Variants in TPO observed in about 807,000 individuals in gnomAD.
TPO encodes thyroid microsomal antigen.
Under a neutral mutation model 96.9 loss-of-function variants are expected in TPO, and 78 were observed. The ratio of observed to expected loss-of-function variants is 0.81; its 90% confidence interval spans 0.67 to 0.97. The LOEUF (loss-of-function observed/expected upper bound fraction) is 0.97, where lower values mean the gene tolerates loss of function less well. Among genes scored for constraint, TPO ranks in the 50% least tolerant of loss-of-function variants. The pLI, the probability that TPO is intolerant of heterozygous loss-of-function variation, is 0.00. For missense variants in TPO, 1,252 were observed against 1,274.8 expected (o/e 0.98, Z 0.27); for synonymous variants, 547 against 538.0 (o/e 1.02, Z -0.23).
chr2:1,498,674 T>C (rs910092844), intron 13 of TPO, among the ~76,000 whole-genome samples: 1 of 152,168 alleles, frequency 6.6e-6, no homozygotes, highest in African/African-American at 2.4e-5. Flanking sequence ...CCAGGATGTT[T>C]CTCCCAGAGA....
intron 2 of TPO, among the ~76,000 whole-genome samples, chr2:1,414,936 T>C (rs1662738539): frequency 6.6e-6 from 1 of 152,250 alleles, no homozygotes; most frequent in Non-Finnish European, 1.5e-5. Context: ...TTTCTTTTAA[T>C]AAAATAAATA....
At chr2:1,384,610 G>A (rs1408053055) in intron 1 of TPO, among the ~76,000 whole-genome samples, 1 of 151,998 alleles carries the variant, frequency 6.6e-6, no homozygotes, top group Non-Finnish European at 1.5e-5. Flanking sequence ...GGAGATTTTG[G>A]GCTGAGATGA....
chr2:1,431,743 A>C (rs1268879306), intron 3 of TPO, among the ~76,000 whole-genome samples: 1 of 152,242 alleles, frequency 6.6e-6, no homozygotes, highest in Non-Finnish European at 1.5e-5. Flanking sequence ...ATTTTCACTC[A>C]GTAAGCACTA....
chr2:1,489,220 C>T (rs368033251), intron 10 of TPO, among the ~76,000 whole-genome samples: 44 of 149,336 alleles, frequency 2.9e-4, no homozygotes, highest in Admixed American at 1.2e-3. Context: ...GCCCAGCACA[C>T]GCCTGCACAT....
intron 1 of TPO, among the ~76,000 whole-genome samples, chr2:1,414,191 G>A (rs543094568): frequency 1.1e-4 from 16 of 152,254 alleles, no homozygotes; most frequent in South Asian, 1.0e-3. Context: ...AATAATGGGG[G>A]CCTGGGAGGC....
Position 1,516,969 on chromosome 2 carries a change from G to A in TPO, c.2605G>A (p.Val869Met). The A allele has an allele frequency of 6.2e-7, 1 of 1,613,940 alleles. No individual in the cohort carries two copies. Among genetic ancestry groups the A allele is most frequent in the Non-Finnish European group, 8.5e-7 (1 of 1,180,034 alleles). ...IGGFAGLTST[V>M]ICRWTRTGTK... is the part of the protein sequence containing the mutation. ...AGGCTTCGCAGGTCTCACCTCGACG[G>A]TGATTTGCAGGTGGTAAGTCCTTCA... The change falls in exon 15 of 17, where the codon GTG (valine) becomes ATG (methionine). Residue 869 changes from valine to methionine, a missense_variant. Val to Met is a conservative substitution (Grantham distance 21, BLOSUM62 1). Transcript: ENST00000329066.
chr2:1,402,730 AG>A (rs1662191711), intron 1 of TPO, among the ~76,000 whole-genome samples: 3 of 152,176 alleles, frequency 2.0e-5, no homozygotes, highest in South Asian at 4.1e-4. Context: ...GGAGAACAGT[AG>A]GGGGAAAACT....
At chr2:1,440,269 T>C (rs1405111231) in intron 5 of TPO, among the ~76,000 whole-genome samples, 4 of 152,250 alleles carry the variant, frequency 2.6e-5, no homozygotes, top group East Asian at 3.9e-4. Context: ...GAATTAACTT[T>C]TGAAATTCTA....
chr2:1,470,931 G>A (rs1669347239), intron 7 of TPO, among the ~76,000 whole-genome samples: 1 of 152,180 alleles, frequency 6.6e-6, no homozygotes, highest in African/African-American at 2.4e-5. Flanking sequence ...CCAACGCAGT[G>A]CCATATTTAC....
At chr2:1,495,524 G>A (rs566497701) in intron 11 of TPO, among the ~76,000 whole-genome samples, 1 of 152,214 alleles carries the variant, frequency 6.6e-6, no homozygotes, top group Non-Finnish European at 1.5e-5. Flanking sequence ...TGGATTTGCT[G>A]TCATCATTCT....
intron 1 of TPO, among the ~76,000 whole-genome samples, chr2:1,384,971 A>G (rs1430862927): frequency 1.3e-5 from 2 of 152,244 alleles, no homozygotes; most frequent in South Asian, 4.1e-4. Context: ...TGAGATAATC[A>G]TGTGGTTTTT....
At chr2:1,539,477 C>T (rs918410664) in intron 15 of TPO, among the ~76,000 whole-genome samples, 2 of 152,098 alleles carry the variant, frequency 1.3e-5, no homozygotes, top group Non-Finnish European at 1.5e-5. Context: ...CACCAAGGAC[C>T]GTTGGGCCTG....
chr2:1,381,868 C>T (rs1271636853), intron 1 of TPO, among the ~76,000 whole-genome samples: 1 of 152,114 alleles, frequency 6.6e-6, no homozygotes, highest in East Asian at 1.9e-4. Flanking sequence ...CCTTAATGTC[C>T]TCATTTGCAA....
In TPO at chr2:1,506,713, C is replaced by A. The variant is rs1436863713; in HGVS notation, c.2518+2634C>A. Among the ~76,000 whole-genome samples, 4 of 152,248 alleles carry A rather than the reference C, an allele frequency of 2.6e-5. No individual in the cohort carries two copies. In the East Asian group the frequency reaches 7.7e-4, roughly 29 times the overall value. ...AGAAGTGTCTGTTCATATCCTTCAC[C>A]CGCTTTTTGATGGGGTTGTTTGTTT... On this transcript the variant is annotated intron_variant, in intron 14 of 16. Transcript: ENST00000329066.
At chr2:1,541,158 C>T in intron 16 of TPO, 1 of 1,175,420 alleles carries the variant, frequency 8.5e-7, no homozygotes. Flanking sequence ...CAAGGGAGGC[C>T]ATATCAAAAA....
At position 1,522,683 on chromosome 2, in the gene TPO, T is replaced by A. The variant is rs186265208; in HGVS notation, c.2618+5701T>A. On this transcript the variant is annotated intron_variant, in intron 15 of 16. Coordinates refer to ENST00000329066, the MANE Select transcript of TPO (RefSeq NM_001206744.2). The stretch of plus-strand genomic sequence containing the variant: ...GCTTCGAATGTTCAAGTCTGACACA[T>A]CGCAAAGGCTACACCCAAACACCAC... Among the ~76,000 whole-genome samples the A allele has an allele frequency of 1.6e-3, 242 of 152,156 alleles. 1 individual carries two copies. The highest frequency in any genetic ancestry group is 5.6e-3 in the African/African-American group (234 of 41,488).
Position 1,502,772 on chromosome 2 carries a change from T to C in TPO, c.2387-1176T>C, listed in dbSNP as rs147857056. 4.1e-3 allele frequency among the ~76,000 whole-genome samples: 624 copies of C among 152,370 alleles called. 6 individuals are homozygous for C. Among genetic ancestry groups the C allele is most frequent in the African/African-American group, 0.014 (597 of 41,592 alleles). On this transcript the variant is annotated intron_variant, in intron 13 of 16. Transcript: ENST00000329066. The stretch of plus-strand genomic sequence containing the variant: ...CTGTTTAGAAAGCCTGAGATATCCC[T>C]GACACCCTGCTAGTTGTCATAAGCA...
At chr2:1,524,470 ACCCACTGTGTGCAACCTCCTCAAATCCT>A (rs1358394234) in intron 15 of TPO, among the ~76,000 whole-genome samples, 180 of 13,446 alleles carry the variant, frequency 0.013, 1 homozygote, top group African/African-American at 0.051. Flanking sequence ...CCCAAATCCC[ACCCACTGTGTGCAACCTCCTCAAATCCT>A]CCCACTGTGT....
intron 14 of TPO, among the ~76,000 whole-genome samples, chr2:1,516,630 G>A (rs920275732): frequency 9.2e-5 from 14 of 152,208 alleles, no homozygotes; most frequent in Non-Finnish European, 1.9e-4. Context: ...AACCCACAGT[G>A]AGGTTCCATA....
Sources: gnomAD v4.1 joint callset for allele counts (sites outside exome capture counted in the v4.1 genomes callset) on GRCh38, gnomAD v4.1.1 for gene constraint, MANE v1.5 for transcripts, NCBI Gene and HGNC (gene_info 2026-07-23, HGNC 2026-07-21) for gene names.